The following BRD2 variants were observed in gnomAD, a reference collection of about 807,000 sequenced individuals.
BRD2 encodes the protein bromodomain-containing protein 2.
BRD2 carries 15 observed loss-of-function variants against 79.1 expected under a neutral mutation model. The ratio of observed to expected loss-of-function variants is 0.19; its 90% CI spans 0.13 to 0.29. The LOEUF (loss-of-function observed/expected upper bound fraction) is 0.29. BRD2 is among the 10% of genes least tolerant of loss of function. The probability of loss-of-function intolerance (pLI) is 1.00; values close to 1 mark genes in which losing one functional copy is unlikely to be tolerated. For synonymous variants in BRD2, 488 were observed against 358.6 expected, an observed-to-expected ratio of 1.36 and a Z score of -4.08; for missense variants, 1,053 against 991.3, an observed-to-expected ratio of 1.06 and a Z score of -0.84.
Position 32,974,603 on chromosome 6 carries a change from C to T in BRD2, c.171C>T (p.Thr57=), listed in dbSNP as rs767109720. 1.2e-5 allele frequency: 20 copies of T among 1,614,078 alleles called. No homozygotes were observed. The highest frequency in any genetic ancestry group is 1.6e-4 in the Middle Eastern group (1 of 6,084). The change falls in exon 3 of 13, where the codon ACC becomes ACT. Residue 57 remains threonine, a synonymous_variant. Transcript: ENST00000374825. ...TMASVPALQL[T]PANPPPPEVS... ...CTTCGGTGCCTGCTTTGCAACTTAC[C>T]CCTGCCAACCCACCACCCCCGGAGG... is the stretch of plus-strand genomic sequence containing the variant.
At chr6:32,977,113 A>G in intron 7 of BRD2, 177 bp downstream of exon 7, 2 of 1,229,636 alleles carry the variant, frequency 1.6e-6, no homozygotes, top group Non-Finnish European at 2.2e-6. Context: ...TTGGAGTTTG[A>G]AACAGTAGGG....
chr6:32,980,159 T>C (rs1367566801), intron 11 of BRD2, 27 bp downstream of exon 11: 19 of 1,602,900 alleles, frequency 1.2e-5, no homozygotes, highest in Non-Finnish European at 1.5e-5. Flanking sequence ...GTTCATCTCA[T>C]GGTTCTGAGG....
chr6:32,970,591 T>G (rs986417725), intron 1 of BRD2: 2 of 152,052 alleles, frequency 1.3e-5, no homozygotes, highest in African/African-American at 4.8e-5. Flanking sequence ...AAGTTTGTTT[T>G]CTCCCTGGTA....
At chr6:32,973,305 C>T (rs1221650387) in intron 2 of BRD2, among the ~76,000 whole-genome samples, 2 of 151,984 alleles carry the variant, frequency 1.3e-5, no homozygotes, top group Admixed American at 1.3e-4. Context: ...CCTCTAGCGC[C>T]CTGTAGGGTT....
At chr6:32,978,580 G>T (rs1779088150) in intron 10 of BRD2, 192 bp downstream of exon 10, 1 of 917,884 alleles carries the variant, frequency 1.1e-6, no homozygotes, top group Non-Finnish European at 1.6e-6. Flanking sequence ...AGGGTTTGAG[G>T]GGATGGTTTT....
Position 32,972,572 on chromosome 6 carries a change from C to T in BRD2, c.-327C>T, listed in dbSNP as rs1298074121. 1.0e-5 allele frequency: 5 copies of T among 491,616 alleles called. No homozygotes were observed. The highest frequency in any genetic ancestry group is 3.6e-5 in the East Asian group (1 of 27,688). The allele number at this position is 491,616 out of a possible 1,614,324, so 30.5% of individuals were successfully genotyped here. ...ACAAGAAGAGGGAATCCCTGCAGAC[C>T]AACAGCGGGCTATATTGACGACGGT... On this transcript the variant is annotated 5_prime_UTR_variant, in exon 2 of 13. Coordinates refer to ENST00000374825, the MANE Select transcript of BRD2 (RefSeq NM_005104.4).
intron 2 of BRD2, among the ~76,000 whole-genome samples, chr6:32,973,772 TC>T (rs1422375779): frequency 2.6e-5 from 4 of 152,096 alleles, no homozygotes; most frequent in Admixed American, 6.5e-5. Context: ...CTTTTTGACT[TC>T]CTTGGAGTGA....
chr6:32,973,906 G>A (rs1561932703), intron 2 of BRD2, among the ~76,000 whole-genome samples: 1 of 152,108 alleles, frequency 6.6e-6, no homozygotes, highest in Non-Finnish European at 1.5e-5. Flanking sequence ...TGGGTTTCTA[G>A]TCTATGTTCT....
chr6:32,973,428 T>C (rs181999924), intron 2 of BRD2, among the ~76,000 whole-genome samples: 3 of 152,250 alleles, frequency 2.0e-5, no homozygotes, highest in African/African-American at 4.8e-5. Context: ...TCATTAAATC[T>C]TTTGCTTTCT....
At chr6:32,978,545 G>C in intron 10 of BRD2, 157 bp downstream of exon 10, 1 of 1,261,600 alleles carries the variant, frequency 7.9e-7, no homozygotes. Context: ...GACCAGTTTC[G>C]TGGAAGACAG....
At chr6:32,980,253 CG>C in intron 11 of BRD2, 88 bp from the exon 12 acceptor site, 1 of 1,581,272 alleles carries the variant, frequency 6.3e-7, no homozygotes, top group Non-Finnish European at 8.6e-7. Flanking sequence ...TGGCAGCTGA[CG>C]TTCAAGAAGG....
intron 1 of BRD2, 199 bp downstream of exon 1, chr6:32,969,255 C>T (rs1353504538): frequency 3.1e-6 from 2 of 650,454 alleles, no homozygotes; most frequent in African/African-American, 3.6e-5. Context: ...AATGGCCAGC[C>T]TCATGCCTCC....
chr6:32,974,466 C>T lies in BRD2; in HGVS notation c.34C>T (p.Pro12Ser), dbSNP rs773585882. 6.8e-6 allele frequency: 11 copies of T among 1,608,588 alleles called. No individual in the cohort carries two copies. The highest frequency in any genetic ancestry group is 9.4e-6 in the Non-Finnish European group (11 of 1,175,732). ...LQNVTPHNKLPGEGNAGLLGL... is the reference protein window; with the variant it reads ...LQNVTPHNKLSGEGNAGLLGL... ...ATTTTGTTCCCATCTTTACAGGCTC[C>T]CTGGGGAAGGGAATGCAGGGTTGCT... Residue 12 changes from proline (P) to serine (S), a missense_variant, in exon 3 of 13, where the codon CCT (proline) becomes TCT (serine). Transcript: ENST00000374825.
chr6:32,971,272 A>T (rs16871259), intron 1 of BRD2: 6,419 of 259,972 alleles, frequency 0.025, 102 homozygotes, highest in South Asian at 0.038. Context: ...GTTGCCGAGG[A>T]TTTTTCGAAC....
At position 32,974,757 on chromosome 6, in the gene BRD2, G is replaced by C. The variant is rs760068633; in HGVS notation, c.325G>C (p.Gly109Arg). 3 of 1,613,548 alleles carry C rather than the reference G, an allele frequency of 1.9e-6. No individual in the cohort carries two copies. The South Asian group carries it at 3.3e-5, about 18-fold the overall frequency. The change falls in exon 3 of 13, where the codon GGT becomes CGT. Residue 109 changes from glycine to arginine, a missense_variant. Physicochemically the swap from Gly to Arg is moderately radical, Grantham distance 125. Transcript: ENST00000374825. ...FRQPVDAVKL[G>R]LPDYHKIIKQ... ...GCAGCCTGTGGATGCTGTCAAACTG[G>C]GTCTACCGGTGAGTAGAGACATTGG...
chr6:32,975,647 G>A (rs759622675), intron 4 of BRD2, 126 bp downstream of exon 4: 28 of 1,245,580 alleles, frequency 2.2e-5, no homozygotes, highest in African/African-American at 3.0e-5. Flanking sequence ...TAGGGTAGTC[G>A]GAGTCTTAAA....
rs1192586955 is a variant in BRD2, at chr6:32,971,585, C to T, written c.-1304-10C>T. ...CGGCTTCTAAGATGGCGTCTTTTTC[C>T]TCGTTTCAGATTCTTCGCTGCTGCT... On this transcript the variant is annotated splice_polypyrimidine_tract_variant and intron_variant, in intron 1 of 12. Coordinates refer to ENST00000374825, the MANE Select transcript of BRD2 (RefSeq NM_005104.4). 3 of 455,112 alleles carry T rather than the reference C, an allele frequency of 6.6e-6. No homozygotes were observed. Among genetic ancestry groups the T allele is most frequent in the Non-Finnish European group, 1.2e-5 (3 of 258,502 alleles). 28.2% of individuals were successfully genotyped at this position (455,112 alleles called of 1,614,324 possible). A position where few individuals can be genotyped will look rare whatever the true frequency, so the allele number is the denominator to read the frequency against.
intron 10 of BRD2, chr6:32,979,061 G>GTTTTTTTTTTTT (rs1561957386): frequency 1.5e-4 from 12 of 78,928 alleles, no homozygotes; most frequent in Middle Eastern, 6.8e-3. Flanking sequence ...TTTTTTGTTA[G>GTTTTTTTTTTTT]TTTGTTTTTT....
At chr6:32,978,508 G>T in intron 10 of BRD2, 120 bp downstream of exon 10, 1 of 1,491,858 alleles carries the variant, frequency 6.7e-7, no homozygotes, top group Non-Finnish European at 8.9e-7. Flanking sequence ...GCTTTGAGCA[G>T]TGGTCCCCAA....
Sources: gnomAD v4.1 joint callset for allele counts (sites outside exome capture counted in the v4.1 genomes callset) on GRCh38, gnomAD v4.1.1 for gene constraint, MANE v1.5 for transcripts, NCBI Gene and HGNC (gene_info 2026-07-23, HGNC 2026-07-21) for gene names.